The following FLVCR2 variants were observed in gnomAD, a reference collection of about 807,000 sequenced individuals.
The protein encoded by FLVCR2 is FLVCR choline and putative heme transporter 2, also known as choline/ethanolamine transporter FLVCR2.
FLVCR2 carries 38 observed loss-of-function variants against 48.9 expected under a neutral mutation model. That is an observed-to-expected ratio of 0.78 (90% CI 0.60 to 1.02). The LOEUF is 1.02. Among genes scored for constraint, FLVCR2 ranks in the 50% least tolerant of loss-of-function variants. The pLI is 0.00. For synonymous variants in FLVCR2, 255 were observed against 257.0 expected, an observed-to-expected ratio of 0.99 and a Z score of 0.07; for missense variants, 664 against 663.3, an observed-to-expected ratio of 1.00 and a Z score of -0.01.
At position 75,578,764 on chromosome 14, in the gene FLVCR2, G is replaced by A; in HGVS notation, c.-209G>A. On this transcript the variant is annotated 5_prime_UTR_variant, in exon 1 of 10. Coordinates refer to ENST00000238667, the MANE Select transcript of FLVCR2 (RefSeq NM_017791.3). ...CTTGGGACAGCGATCGCCGCGGGTG[G>A]CAACAGAGAGCCCCAAGCAAAAGTG... The A allele has an allele frequency of 1.6e-6, 1 of 611,138 alleles. No individual in the cohort carries two copies. Among genetic ancestry groups the A allele is most frequent in the Non-Finnish European group, 2.9e-6 (1 of 346,540 alleles). 37.9% of individuals were successfully genotyped at this position (611,138 alleles called of 1,614,324 possible).
intron 1 of FLVCR2, among the ~76,000 whole-genome samples, chr14:75,581,170 T>A (rs1262326843): frequency 6.6e-6 from 1 of 152,126 alleles, no homozygotes; most frequent in Non-Finnish European, 1.5e-5. Flanking sequence ...TGATTGGTGA[T>A]GGCCTGGATG....
At chr14:75,606,886 G>T (rs2140022927) in intron 1 of FLVCR2, among the ~76,000 whole-genome samples, 1 of 151,990 alleles carries the variant, frequency 6.6e-6, no homozygotes, top group Non-Finnish European at 1.5e-5. Flanking sequence ...GGAGGTTGCA[G>T]TGCGCCAAGA....
At chr14:75,610,842 A>T (rs1197931337) in intron 1 of FLVCR2, among the ~76,000 whole-genome samples, 1 of 152,222 alleles carries the variant, frequency 6.6e-6, no homozygotes, top group East Asian at 1.9e-4. Context: ...AGGTCATTTC[A>T]TCTGGCATCT....
chr14:75,605,898 A>C, intron 1 of FLVCR2: 1 of 463,184 alleles, frequency 2.2e-6, no homozygotes, highest in African/African-American at 2.0e-5. Flanking sequence ...GCATACAATG[A>C]CTGGGTTGAC....
At chr14:75,644,522 G>A (rs1389020014) in intron 9 of FLVCR2, among the ~76,000 whole-genome samples, 3 of 152,160 alleles carry the variant, frequency 2.0e-5, no homozygotes, top group Non-Finnish European at 2.9e-5. Flanking sequence ...TGGAAATAGC[G>A]CTGAGTAGGA....
chr14:75,619,289 G>A (rs1256940290), intron 1 of FLVCR2, among the ~76,000 whole-genome samples: 1 of 152,030 alleles, frequency 6.6e-6, no homozygotes, highest in East Asian at 1.9e-4. Context: ...AAGATAAAGT[G>A]TATTACATAT....
chr14:75,630,486 T>C (rs1240133483), intron 3 of FLVCR2, among the ~76,000 whole-genome samples: 1 of 152,196 alleles, frequency 6.6e-6, no homozygotes, highest in Non-Finnish European at 1.5e-5. Context: ...AGTAGGTCTA[T>C]GGTAGGGCCT....
chr14:75,589,076 C>T (rs1005429324), intron 1 of FLVCR2, among the ~76,000 whole-genome samples: 2 of 151,988 alleles, frequency 1.3e-5, no homozygotes, highest in African/African-American at 4.8e-5. Context: ...AGAAGCTGTG[C>T]ATGGTTGCAC....
At chr14:75,622,367 G>A (rs536341236) in intron 2 of FLVCR2, 147 bp downstream of exon 2, 6 of 867,022 alleles carry the variant, frequency 6.9e-6, no homozygotes, top group African/African-American at 1.6e-5. Context: ...GTCTTCAAAT[G>A]TTTTAGCCTG....
chr14:75,591,675 C>T lies in FLVCR2; in HGVS notation c.669+12034C>T, dbSNP rs79126444. ...ACTAGGCATTGTCCTAGTGAAGACT[C>T]TTTGCAGAAGAGTCCTCTGCTGTGG... On this transcript the variant is annotated intron_variant, in intron 1 of 9. Coordinates refer to ENST00000238667, the MANE Select transcript of FLVCR2 (RefSeq NM_017791.3). 7.2e-5 allele frequency among the ~76,000 whole-genome samples: 11 copies of T among 152,152 alleles called. 1 individual carries two copies. In the South Asian group the frequency reaches 1.4e-3, roughly 20 times the overall value.
intron 1 of FLVCR2, among the ~76,000 whole-genome samples, chr14:75,615,608 G>A (rs1037371191): frequency 2.0e-5 from 3 of 152,056 alleles, no homozygotes; most frequent in Non-Finnish European, 2.9e-5. Flanking sequence ...TGGTAGGGCC[G>A]AGATTTGAAT....
rs182904017 is a variant in FLVCR2 at position 75,646,982 on chromosome 14, A to G, written c.*510A>G. 16 of 203,016 alleles carry G rather than the reference A, an allele frequency of 7.9e-5. No individual in the cohort carries two copies. The highest frequency in any genetic ancestry group is 2.2e-4 in the East Asian group (2 of 8,938). The allele number at this position is 203,016 out of a possible 1,614,324, so 12.6% of individuals were successfully genotyped here. A position where few individuals can be genotyped will look rare whatever the true frequency, so the allele number is the denominator to read the frequency against. On this transcript the variant is annotated 3_prime_UTR_variant, in exon 10 of 10. Coordinates refer to ENST00000238667, the MANE Select transcript of FLVCR2 (RefSeq NM_017791.3). ...CAAGTTCTGCAGGAGAGGAAGCACC[A>G]TTAGAACAACTCCATCAGAACAGCT...
At chr14:75,628,066 T>A (rs1377472807) in intron 3 of FLVCR2, among the ~76,000 whole-genome samples, 1 of 152,204 alleles carries the variant, frequency 6.6e-6, no homozygotes, top group Non-Finnish European at 1.5e-5. Flanking sequence ...CTGTTAATCT[T>A]TGCTTTCTTT....
chr14:75,593,023 A>G (rs1429338080), intron 1 of FLVCR2, among the ~76,000 whole-genome samples: 1 of 152,202 alleles, frequency 6.6e-6, no homozygotes, highest in Non-Finnish European at 1.5e-5. Context: ...CCATATTTCT[A>G]TCAGCATTTT....
chr14:75,579,115 A>G lies in FLVCR2; in HGVS notation c.143A>G (p.His48Arg). The change falls in exon 1 of 10, where the codon CAC (histidine) becomes CGC (arginine). Residue 48 changes from histidine to arginine, a missense_variant. By Grantham distance (29) the His-to-Arg change is conservative (BLOSUM62 0). Coordinates refer to ENST00000238667, the MANE Select transcript of FLVCR2 (RefSeq NM_017791.3). ...SVSINPSVSV[H>R]PSSSAHPSAL... ...TCCATCAACCCCAGCGTCTCTGTCC[A>G]CCCCAGCAGTTCGGCCCACCCCAGT... is the stretch of plus-strand genomic sequence containing the variant. 1 of 1,613,736 alleles carries G rather than the reference A, an allele frequency of 6.2e-7. No individual in the cohort carries two copies. Among genetic ancestry groups the G allele is most frequent in the South Asian group, 1.1e-5 (1 of 91,044 alleles).
At chr14:75,581,899 T>C (rs1385716522) in intron 1 of FLVCR2, among the ~76,000 whole-genome samples, 1 of 152,126 alleles carries the variant, frequency 6.6e-6, no homozygotes, top group African/African-American at 2.4e-5. Flanking sequence ...GGAACCCACA[T>C]GGAAGAGGTT....
chr14:75,613,699 C>T (rs562372709), intron 1 of FLVCR2, among the ~76,000 whole-genome samples: 2 of 152,146 alleles, frequency 1.3e-5, no homozygotes, highest in South Asian at 4.2e-4. Flanking sequence ...TACAGGTGCA[C>T]ATCACCATGC....
chr14:75,632,790 A>G, intron 3 of FLVCR2: 1 of 702,128 alleles, frequency 1.4e-6, no homozygotes, highest in Non-Finnish European at 2.6e-6. Context: ...AGTACTTATT[A>G]TTTTAACTGT....
At chr14:75,606,593 A>G (rs1889296279) in intron 1 of FLVCR2, among the ~76,000 whole-genome samples, 1 of 152,186 alleles carries the variant, frequency 6.6e-6, no homozygotes, top group African/African-American at 2.4e-5. Context: ...TTCCTTCCTC[A>G]GAGTGGTGGA....
Sources: gnomAD v4.1 joint callset for allele counts (sites outside exome capture counted in the v4.1 genomes callset) on GRCh38, gnomAD v4.1.1 for gene constraint, MANE v1.5 for transcripts, NCBI Gene and HGNC (gene_info 2026-07-23, HGNC 2026-07-21) for gene names.